The following AVEN variants were observed in gnomAD, a reference collection of about 807,000 sequenced individuals.
AVEN encodes cell death regulator Aven.
A neutral mutation model predicts 38.1 loss-of-function variants in AVEN; 41 were observed. The ratio of observed to expected loss-of-function variants is 1.08; its 90% confidence interval spans 0.84 to 1.40. The LOEUF (loss-of-function observed/expected upper bound fraction) is 1.40, where lower values mean the gene tolerates loss of function less well. Among genes scored for constraint, AVEN ranks in the 40% most tolerant of loss-of-function variants. AVEN has a pLI of 0.00. For missense variants in AVEN, 605 were observed against 438.8 expected, an observed-to-expected ratio of 1.38 and a Z score of -3.38; for synonymous variants, 206 against 171.8, an observed-to-expected ratio of 1.20 and a Z score of -1.56.
downstream of AVEN, chr15:33,858,009 T>G (rs911795017): frequency 1.4e-5 from 21 of 1,508,688 alleles, no homozygotes; most frequent in Middle Eastern, 6.6e-4. Flanking sequence ...GGGGTGCTCT[T>G]GAGAACTGTA....
intron 2 of AVEN, among the ~76,000 whole-genome samples, chr15:33,954,709 G>C (rs1043166579): frequency 6.6e-6 from 1 of 151,862 alleles, no homozygotes; most frequent in African/African-American, 2.4e-5. Context: ...TGTAAACGAC[G>C]AGTTAATGGG....
chr15:33,996,082 G>C (rs1297927692), intron 2 of AVEN, among the ~76,000 whole-genome samples: 2 of 152,350 alleles, frequency 1.3e-5, no homozygotes, highest in Admixed American at 1.3e-4. Context: ...CACTGCTAGC[G>C]CAGCAGTCTG....
intron 2 of AVEN, among the ~76,000 whole-genome samples, chr15:33,955,544 G>A (rs472605): frequency 0.94 from 143,140 of 152,220 alleles, 67,841 homozygotes; most frequent in Non-Finnish European, 1. Context: ...CCAATACTAA[G>A]CTAGTCAGGA....
chr15:34,059,900 CAG>C (rs1265811461), intron 5 of AVEN, among the ~76,000 whole-genome samples: 2 of 152,176 alleles, frequency 1.3e-5, no homozygotes, highest in African/African-American at 4.8e-5. Context: ...GTCTAAAGAG[CAG>C]AGACATTAGC....
chr15:33,918,428 ATGT>A (rs1050580255), intron 2 of AVEN, among the ~76,000 whole-genome samples: 3 of 133,466 alleles, frequency 2.2e-5, no homozygotes, highest in African/African-American at 8.3e-5. Flanking sequence ...AAATGTGATG[ATGT>A]TGTGTCTTCC....
At chr15:34,040,267 G>C (rs1044129309), upstream of AVEN, among the ~76,000 whole-genome samples, 23 of 152,164 alleles carry the variant, frequency 1.5e-4, no homozygotes, top group African/African-American at 5.1e-4. Flanking sequence ...GTGTTGCTGA[G>C]TGCAGTGAGA....
chr15:33,898,022 T>C (rs2153042322), intron 2 of AVEN, among the ~76,000 whole-genome samples: 1 of 152,258 alleles, frequency 6.6e-6, no homozygotes, highest in South Asian at 2.1e-4. Flanking sequence ...ACCCCATTTC[T>C]ACTAAAAATA....
In AVEN at chr15:33,976,662, T is replaced by A. The variant is rs567806873; in HGVS notation, c.445+26370A>T. On this transcript the variant is annotated intron_variant, in intron 2 of 5. Coordinates refer to ENST00000306730, the MANE Select transcript of AVEN (RefSeq NM_020371.3). ...CCTTCTGCAGGCATAATGGTATATC[T>A]CCATTTAAAATATTTTAAATAAATG... Among the ~76,000 whole-genome samples, 9 of 152,156 alleles carry A rather than the reference T, an allele frequency of 5.9e-5. 1 individual carries two copies. In the South Asian group the frequency reaches 1.9e-3, roughly 32 times the overall value.
chr15:34,003,638 G>A (rs570017661), intron 1 of AVEN, among the ~76,000 whole-genome samples: 1 of 152,208 alleles, frequency 6.6e-6, no homozygotes, highest in African/African-American at 2.4e-5. Flanking sequence ...TAATTTTTTA[G>A]AGCAATGAAA....
chr15:33,961,445 CT>C (rs1444630701), intron 2 of AVEN, among the ~76,000 whole-genome samples: 1 of 152,134 alleles, frequency 6.6e-6, no homozygotes, highest in Non-Finnish European at 1.5e-5. Flanking sequence ...AACGTATCGA[CT>C]TTTAACTAGT....
At chr15:33,856,724 T>A (rs560302918), downstream of AVEN, 1 of 153,176 alleles carries the variant, frequency 6.5e-6, no homozygotes, top group East Asian at 1.9e-4. Flanking sequence ...AGTGGCGCGA[T>A]CTCAGCTTAC....
rs149843161 is a variant in AVEN, at chr15:33,953,990, A to T, written c.445+49042T>A. On this transcript the variant is annotated intron_variant, in intron 2 of 5. Coordinates refer to ENST00000306730, the MANE Select transcript of AVEN (RefSeq NM_020371.3). The stretch of plus-strand genomic sequence containing the variant: ...AACAACCCCATCAAAAAGTGGGCAA[A>T]GGATATGAACAGACACTTCTCAAAA... Among the ~76,000 whole-genome samples the T allele has an allele frequency of 1.8e-3, 277 of 152,348 alleles. 1 individual carries two copies. Among genetic ancestry groups the T allele is most frequent in the African/African-American group, 6.3e-3 (263 of 41,580 alleles).
chr15:33,865,121 AT>A, downstream of AVEN: 1 of 1,605,894 alleles, frequency 6.2e-7, no homozygotes, highest in Non-Finnish European at 8.5e-7. Context: ...CGTTGTTCAT[AT>A]TATTTCAGGA....
chr15:33,970,141 T>C (rs1895571655), intron 2 of AVEN, among the ~76,000 whole-genome samples: 1 of 151,984 alleles, frequency 6.6e-6, no homozygotes. Flanking sequence ...GGAGATCTTG[T>C]GGTAATATAC....
chr15:33,859,955 C>G (rs2080153092), intron 11 of AVEN, among the ~76,000 whole-genome samples: 1 of 152,156 alleles, frequency 6.6e-6, no homozygotes, highest in Non-Finnish European at 1.5e-5. Flanking sequence ...ACAGAGGAAC[C>G]CCTTCCTTCT....
chr15:34,042,887 C>T (rs182706056), upstream of AVEN, among the ~76,000 whole-genome samples: 8 of 152,238 alleles, frequency 5.3e-5, no homozygotes, highest in East Asian at 1.4e-3. Context: ...GATGCATCCT[C>T]AACTACTGTG....
chr15:34,017,380 A>G (rs1450258131), intron 1 of AVEN, among the ~76,000 whole-genome samples: 1 of 152,112 alleles, frequency 6.6e-6, no homozygotes, highest in Admixed American at 6.5e-5. Context: ...GAAAATATCA[A>G]TCACCTAAGA....
chr15:34,004,721 T>C (rs74007657), intron 1 of AVEN, among the ~76,000 whole-genome samples: 3,500 of 152,248 alleles, frequency 0.023, 125 homozygotes, highest in African/African-American at 0.078. Flanking sequence ...TGAAATATAC[T>C]ATACTTAATT....
intron 2 of AVEN, among the ~76,000 whole-genome samples, chr15:33,926,708 TG>T (rs1893618898): frequency 6.6e-6 from 1 of 152,188 alleles, no homozygotes; most frequent in Admixed American, 6.5e-5. Context: ...TCACCCAGGC[TG>T]GAGTGCACAA....
Sources: allele counts gnomAD v4.1 joint callset (sites outside exome capture counted in the v4.1 genomes callset), GRCh38; gene constraint gnomAD v4.1.1; transcripts MANE v1.5; gene names NCBI Gene and HGNC (gene_info 2026-07-23, HGNC 2026-07-21).